The following UCHL3 variants were observed in gnomAD, a reference collection of about 807,000 sequenced individuals.
UCHL3 encodes ubiquitin carboxyl-terminal hydrolase isozyme L3.
In UCHL3, 22 loss-of-function variants were observed where a neutral mutation model predicts 35.8. That is an observed-to-expected ratio of 0.61 (90% confidence interval 0.44 to 0.88). UCHL3 has a LOEUF of 0.88. Ranked by LOEUF, UCHL3 falls within the 40% of genes least tolerant of loss-of-function variation. The probability of loss-of-function intolerance (pLI) is 0.00; values close to 1 mark genes in which losing one functional copy is unlikely to be tolerated. For synonymous variants in UCHL3, 90 were observed against 92.8 expected, an observed-to-expected ratio of 0.97 and a Z score of 0.17; for missense variants, 229 against 276.9, an observed-to-expected ratio of 0.83 and a Z score of 1.23.
rs200965579 is a variant in UCHL3, at chr13:75,567,233, G to C, written c.347G>C (p.Gly116Ala). The change falls in exon 5 of 9, where the codon GGA (glycine) becomes GCA (alanine). Residue 116 changes from glycine to alanine, a missense_variant. By Grantham distance (60) the Gly-to-Ala change is moderately conservative. Transcript: ENST00000377595. ...NNKDKMHFES[G>A]STLKKFLEES... ...TCTTCTTTCATATTCTCAGAATCTG[G>C]ATCAACCTTGAAAAAATTCCTGGAG... 66 of 1,613,756 alleles carry C rather than the reference G, an allele frequency of 4.1e-5. No homozygotes were observed. Among genetic ancestry groups the C allele is most frequent in the Non-Finnish European group, 5.4e-5 (64 of 1,179,904 alleles).
At chr13:75,586,433 G>C (rs770800210) in intron 6 of UCHL3, among the ~76,000 whole-genome samples, 4 of 143,966 alleles carry the variant, frequency 2.8e-5, no homozygotes, top group Non-Finnish European at 6.2e-5. Flanking sequence ...TATAGTTGGA[G>C]ATGTCAACAC....
chr13:75,584,415 G>C (rs1213570435), intron 6 of UCHL3, among the ~76,000 whole-genome samples: 3 of 152,158 alleles, frequency 2.0e-5, no homozygotes, highest in African/African-American at 7.2e-5. Flanking sequence ...CTAAGCACAA[G>C]GTTATGCCAG....
intron 6 of UCHL3, among the ~76,000 whole-genome samples, chr13:75,588,789 A>G (rs2032397999): frequency 6.6e-6 from 1 of 152,136 alleles, no homozygotes; most frequent in Non-Finnish European, 1.5e-5. Flanking sequence ...CCAAGCAAGG[A>G]TTTATATTAC....
intron 6 of UCHL3, among the ~76,000 whole-genome samples, chr13:75,591,228 G>A (rs938398530): frequency 6.6e-6 from 1 of 152,050 alleles, no homozygotes; most frequent in Admixed American, 6.6e-5. Flanking sequence ...TTAAATATTT[G>A]CTTCCACCAA....
intron 6 of UCHL3, among the ~76,000 whole-genome samples, chr13:75,582,993 A>G (rs2032226643): frequency 6.6e-6 from 1 of 152,200 alleles, no homozygotes; most frequent in African/African-American, 2.4e-5. Context: ...TGTCTATATT[A>G]TGCATTATCT....
intron 6 of UCHL3, among the ~76,000 whole-genome samples, chr13:75,582,475 T>G (rs192241000): frequency 2.0e-5 from 3 of 152,194 alleles, no homozygotes; most frequent in Admixed American, 1.3e-4. Context: ...ACTGTTAATG[T>G]CCTGGCAAAC....
intron 6 of UCHL3, among the ~76,000 whole-genome samples, chr13:75,579,713 C>T (rs763085224): frequency 1.3e-5 from 2 of 152,114 alleles, no homozygotes; most frequent in Non-Finnish European, 2.9e-5. Context: ...AGATGAAACT[C>T]GTCTAAGAAT....
At chr13:75,562,656 ATAAAT>A (rs2031554818) in intron 3 of UCHL3, among the ~76,000 whole-genome samples, 2 of 152,128 alleles carry the variant, frequency 1.3e-5, no homozygotes, top group African/African-American at 4.8e-5. Context: ...TTTGTAAAAA[ATAAAT>A]TAGATTTGAT....
At chr13:75,560,645 G>C in intron 2 of UCHL3, 108 bp from the exon 3 acceptor site, 1 of 1,038,444 alleles carries the variant, frequency 9.6e-7, no homozygotes, top group Non-Finnish European at 1.3e-6. Context: ...ATTAGATACA[G>C]AGTACATATT....
chr13:75,563,183 A>G (rs1013202787), intron 3 of UCHL3, among the ~76,000 whole-genome samples: 1 of 151,936 alleles, frequency 6.6e-6, no homozygotes, highest in East Asian at 1.9e-4. Context: ...GTTTATGTTT[A>G]CTTATTTTTT....
At chr13:75,561,860 C>T (rs1397980436) in intron 3 of UCHL3, among the ~76,000 whole-genome samples, 1 of 74,230 alleles carries the variant, frequency 1.3e-5, no homozygotes, top group Admixed American at 1.3e-4. Flanking sequence ...CATACGTATA[C>T]ATATATACAT....
chr13:75,559,125 C>T (rs568941444), intron 2 of UCHL3, among the ~76,000 whole-genome samples: 1 of 147,024 alleles, frequency 6.8e-6, no homozygotes, highest in South Asian at 2.1e-4. Context: ...CTGCAAGCTC[C>T]GCCTCCCGGG....
At chr13:75,556,602 C>A (rs2031300122) in intron 2 of UCHL3, among the ~76,000 whole-genome samples, 2 of 151,578 alleles carry the variant, frequency 1.3e-5, no homozygotes, top group Admixed American at 1.3e-4. Flanking sequence ...TTGACTGTCA[C>A]CTAAAGAATG....
intron 6 of UCHL3, among the ~76,000 whole-genome samples, chr13:75,577,379 T>C (rs190250296): frequency 2.0e-3 from 311 of 152,262 alleles, no homozygotes; most frequent in African/African-American, 6.1e-3. Context: ...TACATTGTAT[T>C]AGGTATTACA....
intron 7 of UCHL3, among the ~76,000 whole-genome samples, chr13:75,597,173 T>C (rs1043627413): frequency 2.0e-5 from 3 of 152,198 alleles, no homozygotes; most frequent in East Asian, 3.9e-4. Flanking sequence ...AAGAAGAGTA[T>C]TGAGTTAGTG....
intron 6 of UCHL3, among the ~76,000 whole-genome samples, chr13:75,575,278 T>C (rs2031984617): frequency 6.6e-6 from 1 of 152,186 alleles, no homozygotes; most frequent in African/African-American, 2.4e-5. Flanking sequence ...AATACAGAAA[T>C]CTGAACAGTA....
intron 6 of UCHL3, among the ~76,000 whole-genome samples, chr13:75,585,526 T>C (rs1473165646): frequency 6.6e-6 from 1 of 152,108 alleles, no homozygotes; most frequent in Non-Finnish European, 1.5e-5. Flanking sequence ...GGAATTTCAT[T>C]ATGCTGAAAC....
At chr13:75,554,382 G>A (rs1223590268) in intron 2 of UCHL3, among the ~76,000 whole-genome samples, 1 of 152,186 alleles carries the variant, frequency 6.6e-6, no homozygotes, top group Non-Finnish European at 1.5e-5. Context: ...TATAAAATAT[G>A]TAGAACAATG....
intron 6 of UCHL3, among the ~76,000 whole-genome samples, chr13:75,592,448 A>ATATATATATATGTATATATG (rs2032525989): frequency 8.6e-6 from 1 of 116,644 alleles, no homozygotes; most frequent in African/African-American, 3.2e-5. Flanking sequence ...ATATATATAT[A>ATATATATATATGTATATATG]TATATATATA....
Sources: gnomAD v4.1 joint callset for allele counts (sites outside exome capture counted in the v4.1 genomes callset) on GRCh38, gnomAD v4.1.1 for gene constraint, MANE v1.5 for transcripts, NCBI Gene and HGNC (gene_info 2026-07-23, HGNC 2026-07-21) for gene names.